Variants in ADARB2 observed in about 807,000 individuals in gnomAD.
ADARB2 encodes the protein adenosine deaminase RNA specific B2 (inactive), also known as inactive double-stranded RNA-specific editase B2.
Under a neutral mutation model 62.2 loss-of-function variants are expected in ADARB2, and 25 were observed. The observed-to-expected ratio is 0.40, with a 90% CI of 0.29 to 0.56. The LOEUF (loss-of-function observed/expected upper bound fraction) is 0.56. Among genes scored for constraint, ADARB2 ranks in the 20% least tolerant of loss-of-function variants. The pLI is 0.43. For missense variants in ADARB2, 1,071 were observed against 1,077.4 expected (o/e 0.99, Z 0.08); for synonymous variants, 572 against 500.8 (o/e 1.14, Z -1.90).
chr10:1,408,255 C>T (rs990596316), intron 1 of ADARB2, among the ~76,000 whole-genome samples: 1 of 152,148 alleles, frequency 6.6e-6, no homozygotes, highest in South Asian at 2.1e-4. Context: ...GTTAAAATGT[C>T]TACATAACAC....
intron 1 of ADARB2, among the ~76,000 whole-genome samples, chr10:1,389,624 T>A (rs1832551878): frequency 6.6e-6 from 1 of 152,008 alleles, no homozygotes; most frequent in Non-Finnish European, 1.5e-5. Context: ...GTACCTATAA[T>A]CCCTGCTACT....
In ADARB2 at chr10:1,428,854, T is replaced by C. The variant is rs1031271055; in HGVS notation, c.101-49694A>G. 8.7e-5 allele frequency among the ~76,000 whole-genome samples: 13 copies of C among 149,272 alleles called. No homozygotes were observed. In the East Asian group the frequency reaches 2.2e-3, roughly 25 times the overall value. ...ACACACACGCAATCCCACACACACA[T>C]ACACACACGGACACACACACACACA... On this transcript the variant is annotated intron_variant, in intron 1 of 9. Transcript: ENST00000381312.
At position 1,208,463 on chromosome 10, in the gene ADARB2, C is replaced by A. The variant is rs1400155275; in HGVS notation, c.1683-8316G>T. ...CACCTGGGTGTGTCTGTCCCTGGCC[C>A]CAGCACTCAGGTGCAGGCAGCCGGG... On this transcript the variant is annotated intron_variant, in intron 7 of 9. Transcript: ENST00000381312. Among the ~76,000 whole-genome samples, 4 of 152,194 alleles carry A rather than the reference C, an allele frequency of 2.6e-5. No individual in the cohort carries two copies. In the East Asian group the frequency reaches 7.7e-4, roughly 29 times the overall value.
At chr10:1,411,126 C>T (rs1476345728) in intron 1 of ADARB2, among the ~76,000 whole-genome samples, 1 of 152,198 alleles carries the variant, frequency 6.6e-6, no homozygotes, top group African/African-American at 2.4e-5. Flanking sequence ...CAGACACGGC[C>T]TTAGCTTCCT....
At chr10:1,688,092 G>A (rs1032147199) in intron 1 of ADARB2, among the ~76,000 whole-genome samples, 4 of 152,198 alleles carry the variant, frequency 2.6e-5, no homozygotes, top group Admixed American at 1.3e-4. Context: ...AGAAGCCTTC[G>A]TGTTGTCCCA....
chr10:1,401,553 T>A (rs2131872285), intron 1 of ADARB2, among the ~76,000 whole-genome samples: 1 of 152,314 alleles, frequency 6.6e-6, no homozygotes, highest in Admixed American at 6.5e-5. Context: ...CTCTGACACT[T>A]GGATCCCCAT....
At chr10:1,548,238 C>A (rs1338451369) in intron 1 of ADARB2, among the ~76,000 whole-genome samples, 1 of 152,198 alleles carries the variant, frequency 6.6e-6, no homozygotes, top group African/African-American at 2.4e-5. Context: ...GAACTAAGCC[C>A]ATTCCCGCAA....
intron 1 of ADARB2, among the ~76,000 whole-genome samples, chr10:1,566,091 A>ACC (rs1832859274): frequency 7.0e-6 from 1 of 143,800 alleles, no homozygotes; most frequent in East Asian, 2.0e-4. Context: ...AAAAAAAAAA[A>ACC]AAAAAAAAAA....
In ADARB2 at chr10:1,707,909, AG is replaced by A. The variant is rs370852773; in HGVS notation, c.100+29141del. On this transcript the variant is annotated intron_variant, in intron 1 of 9. Coordinates refer to ENST00000381312, the MANE Select transcript of ADARB2 (RefSeq NM_018702.4). ...AGCACTGGTCAGTGGGAGAGGTTGC[AG>A]GGGGCTCTAAAAAGAGTTTCTGGCC... Among the ~76,000 whole-genome samples the A allele has an allele frequency of 5.9e-5, 9 of 152,306 alleles. No individual in the cohort carries two copies. The South Asian group carries it at 1.9e-3, about 32-fold the overall frequency.
chr10:1,216,661 C>A, intron 7 of ADARB2: 1 of 464,392 alleles, frequency 2.2e-6, no homozygotes, highest in East Asian at 4.4e-5. Context: ...TGTGTTTGCC[C>A]CATGCAGCCA....
At chr10:1,723,258 G>A (rs945456113) in intron 1 of ADARB2, among the ~76,000 whole-genome samples, 5 of 152,184 alleles carry the variant, frequency 3.3e-5, no homozygotes, top group African/African-American at 7.2e-5. Flanking sequence ...GTGGCGATTC[G>A]CTCTACATTG....
chr10:1,405,572 C>T (rs2131874859), intron 1 of ADARB2, among the ~76,000 whole-genome samples: 1 of 136,310 alleles, frequency 7.3e-6, no homozygotes, highest in African/African-American at 2.8e-5. Flanking sequence ...AGAGAGGTTG[C>T]AGTGAGCAGA....
intron 1 of ADARB2, among the ~76,000 whole-genome samples, chr10:1,433,992 T>C (rs537434158): frequency 1.3e-5 from 2 of 152,322 alleles, no homozygotes; most frequent in Admixed American, 1.3e-4. Context: ...TTGGTGCATA[T>C]TGAACACATA....
At chr10:1,697,428 T>G (rs1284023766) in intron 1 of ADARB2, among the ~76,000 whole-genome samples, 1 of 152,082 alleles carries the variant, frequency 6.6e-6, no homozygotes, top group Non-Finnish European at 1.5e-5. Flanking sequence ...AGAGAACACG[T>G]GGCTCAAACC....
intron 1 of ADARB2, among the ~76,000 whole-genome samples, chr10:1,455,129 A>C (rs2676781): frequency 0.99 from 150,235 of 152,312 alleles, 74,115 homozygotes; most frequent in Non-Finnish European, 1. Context: ...TTACAGGCAA[A>C]GCCACATCCT....
intron 3 of ADARB2, among the ~76,000 whole-genome samples, chr10:1,288,956 G>T (rs1831439033): frequency 6.6e-6 from 1 of 152,136 alleles, no homozygotes; most frequent in African/African-American, 2.4e-5. Context: ...CTGAAAAACT[G>T]GTTCAGACAT....
intron 1 of ADARB2, among the ~76,000 whole-genome samples, chr10:1,541,750 G>A (rs77154672): frequency 3.9e-5 from 2 of 51,636 alleles, no homozygotes; most frequent in African/African-American, 8.6e-5. Context: ...GATCACAGCC[G>A]TCCAGACCCC....
intron 3 of ADARB2, among the ~76,000 whole-genome samples, chr10:1,279,700 T>C (rs1831353398): frequency 6.6e-6 from 1 of 152,194 alleles, no homozygotes; most frequent in African/African-American, 2.4e-5. Flanking sequence ...AGTACTTCCT[T>C]AGGGTTTTGG....
chr10:1,637,128 T>C (rs1349986008), intron 1 of ADARB2, among the ~76,000 whole-genome samples: 2 of 152,192 alleles, frequency 1.3e-5, no homozygotes, highest in Admixed American at 6.5e-5. Flanking sequence ...ACTGAAGGAA[T>C]ACTTCTGCCT....
Sources: gnomAD v4.1 joint callset for allele counts (sites outside exome capture counted in the v4.1 genomes callset) on GRCh38, gnomAD v4.1.1 for gene constraint, MANE v1.5 for transcripts, NCBI Gene and HGNC (gene_info 2026-07-23, HGNC 2026-07-21) for gene names.